OXR1: variants seen among roughly 807,000 people sequenced by gnomAD.
The protein encoded by OXR1 is oxidation resistance 1.
In OXR1, 41 loss-of-function variants were observed where a neutral mutation model predicts 104.6. That is an observed-to-expected ratio of 0.39 (90% CI 0.31 to 0.51). The LOEUF (loss-of-function observed/expected upper bound fraction) is 0.51, where lower values mean the gene tolerates loss of function less well. Among genes scored for constraint, OXR1 ranks in the 20% least tolerant of loss-of-function variants. OXR1 has a pLI of 0.77. For missense variants in OXR1, 955 were observed against 1,031.9 expected (o/e 0.93, Z 1.02); for synonymous variants, 348 against 348.4 (o/e 1.00, Z 0.01).
At position 106,577,417 on chromosome 8, in the gene OXR1, C is replaced by G. The variant is rs1415806577; in HGVS notation, c.220+58278C>G. On this transcript the variant is annotated intron_variant, in intron 3 of 16. Coordinates refer to ENST00000517566, the MANE Select transcript of OXR1 (RefSeq NM_001198533.2). ...TTTTTTTTTTTTTTTGAGACAGAGT[C>G]TCTCTTCTGTCAGCCAGGCTGGAGT... Among the ~76,000 whole-genome samples, 3 of 107,546 alleles carry G rather than the reference C, an allele frequency of 2.8e-5. No individual in the cohort carries two copies. In the South Asian group the frequency reaches 1.0e-3, roughly 37 times the overall value. 70.6% of individuals were successfully genotyped at this position (107,546 alleles called of 152,430 possible). A position where few individuals can be genotyped will look rare whatever the true frequency, so the allele number is the denominator to read the frequency against.
At chr8:106,429,279 G>T (rs1472557039) in intron 2 of OXR1, among the ~76,000 whole-genome samples, 3 of 151,996 alleles carry the variant, frequency 2.0e-5, no homozygotes, top group Non-Finnish European at 4.4e-5. Flanking sequence ...GAGGATGCCG[G>T]CCCAAGACTA....
chr8:106,292,534 G>C (rs1812797914), intron 1 of OXR1, among the ~76,000 whole-genome samples: 1 of 152,128 alleles, frequency 6.6e-6, no homozygotes, highest in South Asian at 2.1e-4. Flanking sequence ...GATGGCAATT[G>C]GGTTTGGTAC....
intron 2 of OXR1, among the ~76,000 whole-genome samples, chr8:106,438,000 G>T (rs1819646671): frequency 6.6e-6 from 1 of 152,102 alleles, no homozygotes; most frequent in Non-Finnish European, 1.5e-5. Context: ...CAAAAAGAAA[G>T]ATAAACACAA....
Position 106,392,836 on chromosome 8 carries a change from G to T in OXR1, c.23+33200G>T, listed in dbSNP as rs558213950. On this transcript the variant is annotated intron_variant, in intron 2 of 16. Coordinates refer to ENST00000517566, the MANE Select transcript of OXR1 (RefSeq NM_001198533.2). ...TATGATATTTCTTCACAGGATAGGGGTCATCACCCAATAGATGTACCAACT... is the reference window on the plus strand; with the variant it reads ...TATGATATTTCTTCACAGGATAGGGTTCATCACCCAATAGATGTACCAACT... 2.0e-5 allele frequency among the ~76,000 whole-genome samples: 3 copies of T among 152,238 alleles called. No homozygotes were observed. In the South Asian group the frequency reaches 6.2e-4, roughly 32 times the overall value.
At chr8:106,736,270 A>G (rs540975445) in intron 11 of OXR1, among the ~76,000 whole-genome samples, 1 of 151,978 alleles carries the variant, frequency 6.6e-6, no homozygotes, top group Admixed American at 6.6e-5. Context: ...AAAATTCAAT[A>G]TAATAATAAT....
chr8:106,659,600 A>C (rs147124777), intron 3 of OXR1, among the ~76,000 whole-genome samples: 1 of 152,322 alleles, frequency 6.6e-6, no homozygotes, highest in East Asian at 1.9e-4. Context: ...AAAACAGTTG[A>C]TGTGTGACCA....
intron 2 of OXR1, among the ~76,000 whole-genome samples, chr8:106,425,682 C>T (rs1319773668): frequency 2.0e-5 from 3 of 152,122 alleles, no homozygotes. Context: ...GAATTCTTAG[C>T]TTCCACTCTT....
chr8:106,398,755 C>T (rs1232502547), intron 2 of OXR1, among the ~76,000 whole-genome samples: 2 of 152,140 alleles, frequency 1.3e-5, no homozygotes, highest in African/African-American at 2.4e-5. Flanking sequence ...AGGTGCCACC[C>T]ACCCCACCTC....
At chr8:106,714,980 G>C (rs1053583819) in intron 11 of OXR1, among the ~76,000 whole-genome samples, 1 of 151,960 alleles carries the variant, frequency 6.6e-6, no homozygotes, top group East Asian at 1.9e-4. Flanking sequence ...AGAACATATC[G>C]ACCATGTATT....
At chr8:106,497,492 C>T (rs1221348071) in intron 2 of OXR1, among the ~76,000 whole-genome samples, 2 of 152,056 alleles carry the variant, frequency 1.3e-5, no homozygotes, top group Non-Finnish European at 2.9e-5. Context: ...GTATTAGCCA[C>T]GTAGTGATGA....
At chr8:106,640,517 G>A (rs931477821) in intron 3 of OXR1, among the ~76,000 whole-genome samples, 2 of 151,914 alleles carry the variant, frequency 1.3e-5, no homozygotes, top group Admixed American at 6.6e-5. Flanking sequence ...TTTTATCTAA[G>A]ACATATGGTC....
chr8:106,364,172 T>C (rs751229168), intron 2 of OXR1, among the ~76,000 whole-genome samples: 1 of 152,252 alleles, frequency 6.6e-6, no homozygotes, highest in Non-Finnish European at 1.5e-5. Context: ...AAATGGTGAA[T>C]GATCTTCATT....
chr8:106,438,155 G>C (rs1473594442), intron 2 of OXR1, among the ~76,000 whole-genome samples: 1 of 132,454 alleles, frequency 7.5e-6, no homozygotes, highest in Non-Finnish European at 1.7e-5. Flanking sequence ...GTGTCCATGG[G>C]TATCAGCATA....
At chr8:106,710,872 T>C in intron 10 of OXR1, 82 bp downstream of exon 10, 1 of 859,866 alleles carries the variant, frequency 1.2e-6, no homozygotes, top group Non-Finnish European at 1.7e-6. Context: ...ATACCAATGA[T>C]AAACTATTGA....
intron 2 of OXR1, among the ~76,000 whole-genome samples, chr8:106,480,100 A>G (rs971851170): frequency 3.9e-5 from 6 of 151,994 alleles, no homozygotes; most frequent in African/African-American, 1.4e-4. Context: ...CTGTTACCCC[A>G]CAGTGGTTCC....
In OXR1 at chr8:106,724,473, A is replaced by G. The variant is rs1833139219; in HGVS notation, c.1956+10488A>G. Among the ~76,000 whole-genome samples the G allele has an allele frequency of 2.6e-5, 4 of 152,314 alleles. No homozygotes were observed. In the South Asian group the frequency reaches 6.2e-4, roughly 24 times the overall value. ...ATTTATAAATTTGGATGACTTCGAGAAACAGAAAACCACACTCAGAATAGC... is the reference window on the plus strand; with the variant it reads ...ATTTATAAATTTGGATGACTTCGAGGAACAGAAAACCACACTCAGAATAGC... On this transcript the variant is annotated intron_variant, in intron 11 of 16. Coordinates refer to ENST00000517566, the MANE Select transcript of OXR1 (RefSeq NM_001198533.2).
chr8:106,363,649 T>G (rs1471948745), intron 2 of OXR1, among the ~76,000 whole-genome samples: 2 of 152,156 alleles, frequency 1.3e-5, no homozygotes, highest in African/African-American at 4.8e-5. Flanking sequence ...CTCACTCCAT[T>G]TGGTGGATAT....
At position 106,710,764 on chromosome 8, in the gene OXR1, A is replaced by G; in HGVS notation, c.1767A>G (p.Glu589=). The change falls in exon 10 of 17, where the codon GAA becomes GAG. Residue 589 remains glutamate, a synonymous_variant. Transcript: ENST00000517566. ...QQYAQRDKKH[E]YWFAVPQERT... is the part of the protein sequence containing the mutation. ...ATGCACAGAGAGATAAGAAACATGA[A>G]TATTGGTTTGCTGTGCCACAAGAAA... The G allele has an allele frequency of 4.6e-6, 7 of 1,532,810 alleles. No individual in the cohort carries two copies. Among genetic ancestry groups the G allele is most frequent in the Non-Finnish European group, 6.2e-6 (7 of 1,137,516 alleles). 95.0% of individuals were successfully genotyped at this position (1,532,810 alleles called of 1,614,324 possible).
intron 1 of OXR1, among the ~76,000 whole-genome samples, chr8:106,326,338 A>T (rs1292138733): frequency 4.6e-5 from 7 of 152,228 alleles, no homozygotes; most frequent in African/African-American, 1.7e-4. Flanking sequence ...GTTTACATGG[A>T]TCTTAAATGT....
Sources: gnomAD v4.1 joint callset for allele counts (sites outside exome capture counted in the v4.1 genomes callset) on GRCh38, gnomAD v4.1.1 for gene constraint, MANE v1.5 for transcripts, NCBI Gene and HGNC (gene_info 2026-07-23, HGNC 2026-07-21) for gene names.